Variants in PCDHGB5 observed in about 807,000 individuals in gnomAD.
PCDHGB5 encodes protocadherin gamma-B5.
PCDHGB5 carries 48 observed loss-of-function variants against 62.9 expected under a neutral mutation model. The ratio of observed to expected loss-of-function variants is 0.76; its 90% CI spans 0.61 to 0.97. PCDHGB5 has a LOEUF of 0.97. Ranked by LOEUF, PCDHGB5 falls within the 50% of genes least tolerant of loss-of-function variation. The pLI is 0.00. For missense variants in PCDHGB5, 1,118 were observed against 1,198.6 expected (o/e 0.93, Z 0.99); for synonymous variants, 474 against 511.2 (o/e 0.93, Z 0.98).
At position 141,491,049 on chromosome 5, in the gene PCDHGB5, G is replaced by C; in HGVS notation, c.2398-3758G>C. The C allele has an allele frequency of 1.2e-6, 2 of 1,614,116 alleles. No homozygotes were observed. Among genetic ancestry groups the C allele is most frequent in the Admixed American group, 3.3e-5 (2 of 60,024 alleles). On this transcript the variant is annotated intron_variant, in intron 1 of 3. Transcript: ENST00000617380. This position sits in a 1 kb window ranked among gnomAD's most constrained non-coding sequence, Gnocchi z 6.9. ...TGGATGCTGATGCAGGCCACAATGC[G>C]TGGCTCTCCTACTCACTGTTGCCAC...
intron 1 of PCDHGB5, among the ~76,000 whole-genome samples, chr5:141,469,684 T>C (rs1471928749): frequency 6.6e-6 from 1 of 152,256 alleles, no homozygotes; most frequent in Non-Finnish European, 1.5e-5. Flanking sequence ...ACATATGCAT[T>C]GGTCCTATGA....
Position 141,477,763 on chromosome 5 carries a change from C to G in PCDHGB5, c.2398-17044C>G, listed in dbSNP as rs763322593. The G allele has an allele frequency of 6.2e-7, 1 of 1,614,012 alleles. No homozygotes were observed. Among genetic ancestry groups the G allele is most frequent in the Non-Finnish European group, 8.5e-7 (1 of 1,180,032 alleles). Reference sequence around the variant, plus strand: ...ATGGGGGCACCCCGGTCCTAGCCACCAACATCAGCGTGAACATATTTGTCA... The same window carrying G: ...ATGGGGGCACCCCGGTCCTAGCCACGAACATCAGCGTGAACATATTTGTCA... On this transcript the variant is annotated intron_variant, in intron 1 of 3. Transcript: ENST00000617380. This position sits in a 1 kb window ranked among gnomAD's most constrained non-coding sequence, Gnocchi z 4.9.
At chr5:141,418,381 T>C in intron 1 of PCDHGB5, 3 of 1,613,998 alleles carry the variant, frequency 1.9e-6, no homozygotes, top group Non-Finnish European at 2.5e-6. Flanking sequence ...AACTAAGTCC[T>C]AACGAGTATT....
rs769232324 is a variant in PCDHGB5, at chr5:141,423,034, G to T, written c.2397+22510G>T. 4 of 1,614,082 alleles carry T rather than the reference G, an allele frequency of 2.5e-6. No individual in the cohort carries two copies. In the African/African-American group the frequency reaches 4.0e-5, roughly 16 times the overall value. On this transcript the variant is annotated intron_variant, in intron 1 of 3. Coordinates refer to ENST00000617380, the MANE Select transcript of PCDHGB5 (RefSeq NM_018925.3). ...GGTGGACAAAGATTCAGGCCAGAAC[G>T]CCTGGCTGTCCTATCGCCTGCTTAA...
At chr5:141,418,128 T>C (rs1386757111) in intron 1 of PCDHGB5, 1 of 1,614,090 alleles carries the variant, frequency 6.2e-7, no homozygotes, top group South Asian at 1.1e-5. Flanking sequence ...AAGGACCGAA[T>C]AGACCGTGAG....
chr5:141,419,423 C>A, intron 1 of PCDHGB5: 1 of 1,613,368 alleles, frequency 6.2e-7, no homozygotes, highest in Non-Finnish European at 8.5e-7. Context: ...CGCCTTCGAC[C>A]ACGAGCAGCT....
chr5:141,419,240 G>A lies in PCDHGB5; in HGVS notation c.2397+18716G>A, dbSNP rs753956971. On this transcript the variant is annotated intron_variant, in intron 1 of 3. Coordinates refer to ENST00000617380, the MANE Select transcript of PCDHGB5 (RefSeq NM_018925.3). ...CGGACAGTCAGCCTACCTGGTCCAC[G>A]TGCCAGAAAACAACCAGCCGGGTGC... is the stretch of plus-strand genomic sequence containing the variant. 6.8e-6 allele frequency: 11 copies of A among 1,613,862 alleles called. No individual in the cohort carries two copies. The highest frequency in any genetic ancestry group is 1.7e-5 in the Admixed American group (1 of 60,018).
chr5:141,438,601 T>C (rs2098005462), intron 1 of PCDHGB5, among the ~76,000 whole-genome samples: 6 of 26,284 alleles, frequency 2.3e-4, no homozygotes, highest in African/African-American at 1.3e-3. Flanking sequence ...CATATATATA[T>C]ATATATATAT....
intron 1 of PCDHGB5, chr5:141,403,387 C>T: frequency 6.2e-7 from 1 of 1,614,042 alleles, no homozygotes; most frequent in Non-Finnish European, 8.5e-7. Context: ...TTAACGAAAT[C>T]GCGGTTCCTG....
intron 1 of PCDHGB5, among the ~76,000 whole-genome samples, chr5:141,462,361 T>C (rs1354253099): frequency 6.6e-6 from 1 of 152,282 alleles, no homozygotes; most frequent in Non-Finnish European, 1.5e-5. Flanking sequence ...ATACATTGTA[T>C]AGTTTCTATT....
At position 141,511,481 on chromosome 5, in the gene PCDHGB5, ACTC is replaced by A. The variant is rs2154594681; in HGVS notation, c.*313_*315del. On this transcript the variant is annotated 3_prime_UTR_variant, in exon 4 of 4. Coordinates refer to ENST00000617380, the MANE Select transcript of PCDHGB5 (RefSeq NM_018925.3). ...CCACACCCCGTTTAGTTACAGCTGAACTCCTCCATCTTCCAAATCAATCAGGCC... is the reference window on the plus strand; with the variant it reads ...CCACACCCCGTTTAGTTACAGCTGAACTCCATCTTCCAAATCAATCAGGCC... 2 of 464,080 alleles carry A rather than the reference ACTC, an allele frequency of 4.3e-6. No individual in the cohort carries two copies. The highest frequency in any genetic ancestry group is 7.7e-6 in the Non-Finnish European group (2 of 260,856). The allele number at this position is 464,080 out of a possible 1,614,324, so 28.7% of individuals were successfully genotyped here.
intron 3 of PCDHGB5, 87 bp from the exon 4 acceptor site, chr5:141,510,854 TGTATAG>T: frequency 6.2e-7 from 1 of 1,602,320 alleles, no homozygotes; most frequent in Non-Finnish European, 8.5e-7. Flanking sequence ...CCCAGGGTGC[TGTATAG>T]GCATTCATTA....
chr5:141,489,314 G>T lies in PCDHGB5; in HGVS notation c.2398-5493G>T. ...TGCATGTTGTCCTTGTGCTGCTGGG[G>T]CTGGGTGTCTGGGCAGCTTCGTTAC... On this transcript the variant is annotated intron_variant, in intron 1 of 3. Transcript: ENST00000617380. This position sits in a 1 kb window ranked among gnomAD's most constrained non-coding sequence, Gnocchi z 4.5. 6.3e-7 allele frequency: 1 copy of T among 1,596,908 alleles called. No individual in the cohort carries two copies. The highest frequency in any genetic ancestry group is 8.5e-7 in the Non-Finnish European group (1 of 1,170,694).
chr5:141,411,536 A>G (rs1333872781), intron 1 of PCDHGB5: 1 of 152,248 alleles, frequency 6.6e-6, no homozygotes, highest in Admixed American at 6.5e-5. Context: ...GTGAGCCCTG[A>G]TCTTGCCACT....
intron 1 of PCDHGB5, chr5:141,410,343 G>A (rs890241182): frequency 6.2e-7 from 1 of 1,613,964 alleles, no homozygotes; most frequent in Non-Finnish European, 8.5e-7. Flanking sequence ...ATTGCCTTGC[G>A]CCTGCGACGC....
intron 2 of PCDHGB5, among the ~76,000 whole-genome samples, chr5:141,502,139 C>T (rs923501238): frequency 6.6e-6 from 1 of 152,104 alleles, no homozygotes; most frequent in African/African-American, 2.4e-5. Flanking sequence ...TCAGTCGGGC[C>T]GGAAGTAAGG....
At position 141,463,438 on chromosome 5, in the gene PCDHGB5, C is replaced by CTTTTT. The variant is rs71576115; in HGVS notation, c.2398-31345_2398-31341dup. On this transcript the variant is annotated intron_variant, in intron 1 of 3. Coordinates refer to ENST00000617380, the MANE Select transcript of PCDHGB5 (RefSeq NM_018925.3). ...GTTTGCGGATCCTCATTTCCTTCTC[C>CTTTTT]TTTTTTTTTTTTTTTTTTTTTTTTT... is the stretch of plus-strand genomic sequence containing the variant. 3.0e-4 allele frequency among the ~76,000 whole-genome samples: 31 copies of CTTTTT among 103,252 alleles called. 1 individual carries two copies. Among genetic ancestry groups the CTTTTT allele is most frequent in the African/African-American group, 1.2e-3 (26 of 22,402 alleles). The allele number at this position is 103,252 out of a possible 152,430, so 67.7% of individuals were successfully genotyped here.
At chr5:141,479,986 C>T (rs2099510881) in intron 1 of PCDHGB5, among the ~76,000 whole-genome samples, 1 of 152,200 alleles carries the variant, frequency 6.6e-6, no homozygotes, top group Non-Finnish European at 1.5e-5. Flanking sequence ...CATTTACCAA[C>T]TAGGAGTCTG....
intron 1 of PCDHGB5, chr5:141,478,595 T>A: frequency 6.4e-7 from 1 of 1,567,880 alleles, no homozygotes; most frequent in Non-Finnish European, 8.7e-7. Flanking sequence ...TTTTTATTCC[T>A]ACATCATATT....
Sources: gnomAD v4.1 joint callset for allele counts (sites outside exome capture counted in the v4.1 genomes callset) on GRCh38, gnomAD v4.1.1 for gene constraint, Gnocchi (gnomAD v3.1) non-coding constraint, MANE v1.5 for transcripts, NCBI Gene and HGNC (gene_info 2026-07-23, HGNC 2026-07-21) for gene names.